The following TP63 variants were observed in gnomAD, a reference collection of about 807,000 sequenced individuals.
TP63 encodes the protein tumor protein p63, also known as tumor protein 63.
A neutral mutation model predicts 82.8 loss-of-function variants in TP63; 17 were observed. The observed-to-expected ratio is 0.21, with a 90% CI of 0.14 to 0.31. The LOEUF (loss-of-function observed/expected upper bound fraction) is 0.31. Among genes scored for constraint, TP63 ranks in the 10% least tolerant of loss-of-function variants. The pLI is 1.00. For synonymous variants in TP63, 330 were observed against 321.7 expected (o/e 1.03, Z -0.28); for missense variants, 648 against 895.3 (o/e 0.72, Z 3.52).
chr3:189,879,592 A>G (rs967550133), intron 10 of TP63, among the ~76,000 whole-genome samples: 1 of 152,290 alleles, frequency 6.6e-6, no homozygotes, highest in Non-Finnish European at 1.5e-5. Flanking sequence ...ATAATAATTG[A>G]CCAGATGACA....
At chr3:189,655,502 G>T (rs936584399) in intron 1 of TP63, among the ~76,000 whole-genome samples, 3 of 152,136 alleles carry the variant, frequency 2.0e-5, no homozygotes, top group Non-Finnish European at 2.9e-5. Flanking sequence ...CATGCCTGTA[G>T]TCCCAGCTAC....
intron 1 of TP63, among the ~76,000 whole-genome samples, chr3:189,635,786 A>G (rs1729739495): frequency 6.6e-6 from 1 of 152,078 alleles, no homozygotes; most frequent in African/African-American, 2.4e-5. Context: ...TGCCAGTATC[A>G]TGCTCTTTTT....
intron 1 of TP63, among the ~76,000 whole-genome samples, chr3:189,660,839 G>A (rs1161939056): frequency 6.4e-5 from 2 of 31,108 alleles, no homozygotes; most frequent in African/African-American, 9.1e-5. Flanking sequence ...AAATGGGATT[G>A]CATTCTTGAT....
upstream of TP63, among the ~76,000 whole-genome samples, chr3:189,627,978 A>G (rs1053688401): frequency 6.6e-6 from 1 of 152,184 alleles, no homozygotes. Context: ...TTGCAAATAC[A>G]TAAACATGTT....
chr3:189,894,403 G>A lies in TP63; in HGVS notation c.1944G>A (p.Gln648=), dbSNP rs1721316220. Reference sequence around the variant, plus strand: ...ATGCTGTGCGATTCACCCTCCGCCAGACCATCTCTTTCCCACCCCGAGATG... The same window carrying A: ...ATGCTGTGCGATTCACCCTCCGCCAAACCATCTCTTTCCCACCCCGAGATG... ...VIDAVRFTLR[Q]TISFPPRDEW... The change falls in exon 14 of 14, where the codon CAG becomes CAA. Residue 648 remains glutamine (Q), a synonymous_variant. Transcript: ENST00000264731. The A allele has an allele frequency of 6.2e-7, 1 of 1,614,008 alleles. No homozygotes were observed. The highest frequency in any genetic ancestry group is 1.3e-5 in the African/African-American group (1 of 74,986).
At chr3:189,774,191 G>A (rs1723601483) in intron 3 of TP63, among the ~76,000 whole-genome samples, 1 of 152,028 alleles carries the variant, frequency 6.6e-6, no homozygotes, top group Non-Finnish European at 1.5e-5. Flanking sequence ...CAAAGTGCTG[G>A]GATTACAGGC....
At chr3:189,845,621 C>G (rs976030450) in intron 4 of TP63, among the ~76,000 whole-genome samples, 2 of 150,980 alleles carry the variant, frequency 1.3e-5, no homozygotes, top group East Asian at 3.9e-4. Context: ...TGTATTTAAG[C>G]CTTTCTTAGA....
intron 4 of TP63, among the ~76,000 whole-genome samples, chr3:189,832,998 G>A (rs1712588682): frequency 6.6e-6 from 1 of 152,214 alleles, no homozygotes; most frequent in Admixed American, 6.5e-5. Flanking sequence ...ATGAGATAAA[G>A]AGAGCAGAGG....
chr3:189,869,342 A>G lies in TP63; in HGVS notation c.1148A>G (p.His383Arg), dbSNP rs763116801. 4.3e-6 allele frequency: 7 copies of G among 1,614,026 alleles called. No homozygotes were observed. Among genetic ancestry groups the G allele is most frequent in the African/African-American group, 2.7e-5 (2 of 74,942 alleles). ...CCACCAGCGTTTCGTCAGAACACAC[A>G]TGGTATCCAGATGACATCCATCAAG... ...GTKRPFRQNT[H>R]GIQMTSIKKR... The change falls in exon 9 of 14, where the codon CAT becomes CGT. Residue 383 changes from histidine to arginine, a missense_variant. By Grantham distance (29) the His-to-Arg change is conservative. This residue lies in a region of TP63 where 342 missense variants were observed against 425.7 expected (regional missense o/e 0.80). Coordinates refer to ENST00000264731, the MANE Select transcript of TP63 (RefSeq NM_003722.5).
intron 4 of TP63, among the ~76,000 whole-genome samples, chr3:189,852,125 A>C (rs1715712188): frequency 6.6e-6 from 1 of 152,212 alleles, no homozygotes; most frequent in South Asian, 2.1e-4. Context: ...GCAGAATTTA[A>C]ATAGGATTTT....
intron 1 of TP63, among the ~76,000 whole-genome samples, chr3:189,702,883 A>G (rs1717917235): frequency 6.6e-6 from 1 of 152,250 alleles, no homozygotes; most frequent in African/African-American, 2.4e-5. Flanking sequence ...AAGAATAGCA[A>G]GAAATTAATA....
chr3:189,841,973 T>G (rs1466992348), intron 4 of TP63, among the ~76,000 whole-genome samples: 1 of 152,132 alleles, frequency 6.6e-6, no homozygotes, highest in African/African-American at 2.4e-5. Flanking sequence ...GAAGCGTGAC[T>G]TCTTGATACA....
chr3:189,694,931 G>A (rs1577254862), intron 1 of TP63, among the ~76,000 whole-genome samples: 1 of 149,340 alleles, frequency 6.7e-6, no homozygotes, highest in African/African-American at 2.5e-5. Flanking sequence ...TCAGCCTCCT[G>A]AGTAGCTGGG....
chr3:189,825,458 G>A (rs147316570), intron 4 of TP63, among the ~76,000 whole-genome samples: 34 of 152,250 alleles, frequency 2.2e-4, no homozygotes, highest in African/African-American at 6.5e-4. Context: ...TGCTTTCCAC[G>A]TTTTTAAATG....
intron 4 of TP63, among the ~76,000 whole-genome samples, chr3:189,811,771 A>G (rs948802095): frequency 1.3e-5 from 2 of 152,212 alleles, no homozygotes; most frequent in African/African-American, 4.8e-5. Flanking sequence ...GATGGGGAAG[A>G]ATCCAGGCCT....
At chr3:189,673,884 G>C (rs1715154520) in intron 1 of TP63, among the ~76,000 whole-genome samples, 1 of 152,016 alleles carries the variant, frequency 6.6e-6, no homozygotes, top group African/African-American at 2.4e-5. Flanking sequence ...CATAAACCCT[G>C]AACTTAATAG....
chr3:189,812,871 A>C (rs893568386), intron 4 of TP63, among the ~76,000 whole-genome samples: 2 of 152,162 alleles, frequency 1.3e-5, no homozygotes, highest in Non-Finnish European at 2.9e-5. Context: ...ATAAAATTTC[A>C]ACTAATGTTT....
chr3:189,663,572 G>C (rs1714121873), intron 1 of TP63, among the ~76,000 whole-genome samples: 2 of 116,554 alleles, frequency 1.7e-5, no homozygotes, highest in Middle Eastern at 0.01. Flanking sequence ...CTGTCACCCA[G>C]GCTGGAGTTC....
chr3:189,735,515 A>C (rs534378101), intron 1 of TP63, among the ~76,000 whole-genome samples: 2 of 152,290 alleles, frequency 1.3e-5, no homozygotes, highest in African/African-American at 4.8e-5. Flanking sequence ...TCAAGCTGGA[A>C]ACTTAAAGTC....
Sources: gnomAD v4.1 joint callset for allele counts (sites outside exome capture counted in the v4.1 genomes callset) on GRCh38, gnomAD v4.1.1 for gene constraint, gnomAD v4.1.1 regional missense constraint, MANE v1.5 for transcripts, NCBI Gene and HGNC (gene_info 2026-07-23, HGNC 2026-07-21) for gene names.